The following CENPW variants were observed in gnomAD, a reference collection of about 807,000 sequenced individuals.
CENPW encodes the protein centromere protein W.
CENPW carries 3 observed loss-of-function variants against 11.1 expected under a neutral mutation model. The observed-to-expected ratio is 0.27, with a 90% CI of 0.12 to 0.70. The LOEUF (loss-of-function observed/expected upper bound fraction) is 0.70, where lower values mean the gene tolerates loss of function less well. Ranked by LOEUF, CENPW falls within the 30% of genes least tolerant of loss-of-function variation. The pLI is 0.77. For missense variants in CENPW, 100 were observed against 105.6 expected (o/e 0.95, Z 0.23); for synonymous variants, 38 against 42.0 (o/e 0.91, Z 0.37).
At chr6:126,474,211 T>A in the CENPW span, among the ~76,000 whole-genome samples, 1 of 151,984 alleles carries the variant, frequency 6.6e-6, no homozygotes. Context: ...CTGTAAAGAT[T>A]GGGAACAAGG....
chr6:126,382,577 G>T, the CENPW span, among the ~76,000 whole-genome samples: 3 of 152,042 alleles, frequency 2.0e-5, no homozygotes, highest in Admixed American at 2.0e-4. Context: ...GAAAAAAATA[G>T]CCAGTATGGA....
the CENPW span, among the ~76,000 whole-genome samples, chr6:126,413,744 A>T: frequency 6.6e-6 from 1 of 152,106 alleles, no homozygotes; most frequent in South Asian, 2.1e-4. Context: ...ATAAAACAAT[A>T]AGAGAGGAAG....
At chr6:126,371,800 A>G in the CENPW span, among the ~76,000 whole-genome samples, 1 of 152,210 alleles carries the variant, frequency 6.6e-6, no homozygotes, top group African/African-American at 2.4e-5. Context: ...TTCCTGGTTT[A>G]ATCTACAAGC....
At chr6:126,363,425 AC>A in the CENPW span, among the ~76,000 whole-genome samples, 1 of 152,210 alleles carries the variant, frequency 6.6e-6, no homozygotes, top group Non-Finnish European at 1.5e-5. Flanking sequence ...AATTAGTTGG[AC>A]CTAAATAGTA....
chr6:126,392,497 G>C, the CENPW span, among the ~76,000 whole-genome samples: 1 of 151,770 alleles, frequency 6.6e-6, no homozygotes, highest in Non-Finnish European at 1.5e-5. Context: ...CCAATTTTTT[G>C]AGGATTTCTT....
At chr6:126,468,977 A>G in the CENPW span, among the ~76,000 whole-genome samples, 1 of 152,014 alleles carries the variant, frequency 6.6e-6, no homozygotes, top group African/African-American at 2.4e-5. Context: ...TAATTTTTGT[A>G]TTTTTGGTAG....
At chr6:126,437,859 T>C in the CENPW span, among the ~76,000 whole-genome samples, 1 of 151,800 alleles carries the variant, frequency 6.6e-6, no homozygotes, top group African/African-American at 2.4e-5. Flanking sequence ...AATCAGTTGA[T>C]AGTAGAAGGT....
chr6:126,467,529 G>T, the CENPW span, among the ~76,000 whole-genome samples: 1 of 152,212 alleles, frequency 6.6e-6, no homozygotes, highest in South Asian at 2.1e-4. Context: ...TACTGAAAAA[G>T]CTTCCAATGG....
chr6:126,472,708 C>G, the CENPW span, among the ~76,000 whole-genome samples: 2,606 of 152,250 alleles, frequency 0.017, 38 homozygotes, highest in Admixed American at 0.027. Context: ...ACATTTAAGT[C>G]TATAAGAAAC....
chr6:126,345,930 A>G (rs1025200442), intron 1 of CENPW, among the ~76,000 whole-genome samples: 6 of 152,158 alleles, frequency 3.9e-5, no homozygotes, highest in Non-Finnish European at 8.8e-5. Flanking sequence ...CGAATCTTAC[A>G]TACGTTTTGA....
chr6:126,390,886 A>G, the CENPW span, among the ~76,000 whole-genome samples: 1 of 151,966 alleles, frequency 6.6e-6, no homozygotes, highest in Non-Finnish European at 1.5e-5. Context: ...ATGGACACTT[A>G]GGTTGCTTCC....
the CENPW span, among the ~76,000 whole-genome samples, chr6:126,404,415 A>G: frequency 6.6e-6 from 1 of 152,078 alleles, no homozygotes; most frequent in Non-Finnish European, 1.5e-5. Flanking sequence ...TTGTCTGTTA[A>G]TGGACACTTA....
At chr6:126,361,561 C>G in the CENPW span, among the ~76,000 whole-genome samples, 1 of 152,212 alleles carries the variant, frequency 6.6e-6, no homozygotes, top group African/African-American at 2.4e-5. Flanking sequence ...TCCCAAAGTG[C>G]TGGGATTTCA....
chr6:126,363,250 G>T, the CENPW span, among the ~76,000 whole-genome samples: 1 of 152,294 alleles, frequency 6.6e-6, no homozygotes, highest in South Asian at 2.1e-4. Context: ...AGAACTAGAA[G>T]CCATAAACTG....
At chr6:126,385,944 A>T in the CENPW span, among the ~76,000 whole-genome samples, 1 of 152,140 alleles carries the variant, frequency 6.6e-6, no homozygotes. Context: ...AGGAGAAGAG[A>T]TTAGTTCAAT....
At chr6:126,415,161 T>C in the CENPW span, among the ~76,000 whole-genome samples, 2 of 152,070 alleles carry the variant, frequency 1.3e-5, no homozygotes, top group Non-Finnish European at 2.9e-5. Flanking sequence ...CAAGGGGGTG[T>C]AAGGTGTAAG....
the CENPW span, among the ~76,000 whole-genome samples, chr6:126,469,174 C>T: frequency 6.6e-6 from 1 of 152,122 alleles, no homozygotes; most frequent in East Asian, 1.9e-4. Context: ...TTTTAATCCC[C>T]ACATGAGAAA....
At chr6:126,456,901 T>G in the CENPW span, among the ~76,000 whole-genome samples, 1 of 151,582 alleles carries the variant, frequency 6.6e-6, no homozygotes, top group Non-Finnish European at 1.5e-5. Flanking sequence ...GAACAGACAC[T>G]TTCAAAAGAA....
chr6:126,360,902 CTG>C, the CENPW span, among the ~76,000 whole-genome samples: 1 of 143,184 alleles, frequency 7.0e-6, no homozygotes, highest in Non-Finnish European at 1.5e-5. Context: ...ATTCTGAATT[CTG>C]TGTGTGTCAT....
Sources: allele counts gnomAD v4.1 joint callset (sites outside exome capture counted in the v4.1 genomes callset), GRCh38; gene constraint gnomAD v4.1.1; transcripts MANE v1.5; gene names NCBI Gene and HGNC (gene_info 2026-07-23, HGNC 2026-07-21).